GALNT13: variants seen among roughly 807,000 people sequenced by gnomAD.
GALNT13 encodes UDP-GalNAc:polypeptide N-acetylgalactosaminyltransferase 13.
GALNT13 carries 28 observed loss-of-function variants against 64.2 expected under a neutral mutation model. The ratio of observed to expected loss-of-function variants is 0.44; its 90% CI spans 0.32 to 0.60. The LOEUF (loss-of-function observed/expected upper bound fraction) is 0.60. Ranked by LOEUF, GALNT13 falls within the 20% of genes least tolerant of loss-of-function variation. The pLI, the probability that GALNT13 is intolerant of heterozygous loss-of-function variation, is 0.05. For missense variants in GALNT13, 577 were observed against 669.8 expected (o/e 0.86, Z 1.53); for synonymous variants, 214 against 224.6 (o/e 0.95, Z 0.42).
intron 3 of GALNT13, among the ~76,000 whole-genome samples, chr2:154,003,815 C>T (rs1054055942): frequency 1.3e-5 from 2 of 152,040 alleles, no homozygotes; most frequent in African/African-American, 2.4e-5. Context: ...TAGCACCTTC[C>T]CCCTCCTCTT....
At chr2:153,225,055 C>T in the GALNT13 span, among the ~76,000 whole-genome samples, 3 of 152,246 alleles carry the variant, frequency 2.0e-5, no homozygotes, top group East Asian at 3.9e-4. Flanking sequence ...ATCAATATCT[C>T]TCATGAACAT....
the GALNT13 span, among the ~76,000 whole-genome samples, chr2:153,543,816 T>C: frequency 6.6e-6 from 1 of 152,262 alleles, no homozygotes; most frequent in Non-Finnish European, 1.5e-5. Flanking sequence ...TTGTTACTGA[T>C]AACAGTACTC....
chr2:153,812,924 C>G, the GALNT13 span, among the ~76,000 whole-genome samples: 8 of 152,166 alleles, frequency 5.3e-5, no homozygotes, highest in African/African-American at 1.9e-4. Flanking sequence ...TTAGCTGAAC[C>G]ATTCTACATA....
chr2:154,020,446 G>A (rs1432091191), intron 3 of GALNT13, among the ~76,000 whole-genome samples: 2 of 152,046 alleles, frequency 1.3e-5, no homozygotes, highest in Non-Finnish European at 2.9e-5. Context: ...TTTTCTGATG[G>A]CCAGTGATGA....
chr2:153,993,839 A>G (rs916277789), intron 3 of GALNT13, among the ~76,000 whole-genome samples: 6 of 152,120 alleles, frequency 3.9e-5, no homozygotes, highest in Non-Finnish European at 5.9e-5. Flanking sequence ...TGCAACCATG[A>G]TCATGCTTCA....
At chr2:153,251,912 A>T in the GALNT13 span, among the ~76,000 whole-genome samples, 1 of 151,904 alleles carries the variant, frequency 6.6e-6, no homozygotes, top group South Asian at 2.1e-4. Context: ...GCTATTGTGA[A>T]TAATGCCGCA....
chr2:153,372,568 C>T, the GALNT13 span, among the ~76,000 whole-genome samples: 4 of 152,098 alleles, frequency 2.6e-5, no homozygotes, highest in East Asian at 7.8e-4. Flanking sequence ...ATCACTTGAA[C>T]CAGGGGGGCA....
At chr2:153,126,290 G>C in the GALNT13 span, among the ~76,000 whole-genome samples, 4 of 117,016 alleles carry the variant, frequency 3.4e-5, 1 homozygote, top group African/African-American at 1.4e-4. Context: ...TCACAGTATT[G>C]ATTTTGTATA....
intron 4 of GALNT13, among the ~76,000 whole-genome samples, chr2:154,210,759 C>CTT (rs1687713369): frequency 1.3e-5 from 2 of 152,012 alleles, no homozygotes; most frequent in Admixed American, 1.3e-4. Context: ...GCAGATAAAC[C>CTT]ATTTAGGAGA....
At chr2:153,171,555 T>C in the GALNT13 span, among the ~76,000 whole-genome samples, 2 of 152,136 alleles carry the variant, frequency 1.3e-5, no homozygotes, top group Non-Finnish European at 2.9e-5. Flanking sequence ...TAATGAAATA[T>C]ATTATACTTC....
chr2:153,567,524 C>T, the GALNT13 span, among the ~76,000 whole-genome samples: 1 of 152,168 alleles, frequency 6.6e-6, no homozygotes, highest in African/African-American at 2.4e-5. Flanking sequence ...TTAAAAGGAA[C>T]AACTGGCCAT....
chr2:153,387,944 A>G, the GALNT13 span, among the ~76,000 whole-genome samples: 3 of 151,990 alleles, frequency 2.0e-5, no homozygotes, highest in Admixed American at 1.3e-4. Context: ...ATGAATATTT[A>G]TAGCATATAA....
chr2:153,878,075 T>C (rs1331308018), intron 1 of GALNT13, among the ~76,000 whole-genome samples: 1 of 152,162 alleles, frequency 6.6e-6, no homozygotes, highest in African/African-American at 2.4e-5. Context: ...ACTGATAATT[T>C]AAAAAAATCA....
At chr2:154,062,162 G>A (rs904886962) in intron 3 of GALNT13, among the ~76,000 whole-genome samples, 3 of 152,118 alleles carry the variant, frequency 2.0e-5, no homozygotes, top group African/African-American at 4.8e-5. Flanking sequence ...AACTCTAATA[G>A]TTTTGCCAGA....
At chr2:153,957,353 G>A (rs912078139) in intron 3 of GALNT13, among the ~76,000 whole-genome samples, 1 of 152,166 alleles carries the variant, frequency 6.6e-6, no homozygotes, top group African/African-American at 2.4e-5. Flanking sequence ...TGGAGACCCC[G>A]AACTACCAAA....
the GALNT13 span, among the ~76,000 whole-genome samples, chr2:153,072,650 TG>T: frequency 6.6e-6 from 1 of 152,200 alleles, no homozygotes. Flanking sequence ...CCTTCCTTTT[TG>T]CCCCAGCCTA....
At chr2:154,208,869 T>C (rs1350252238) in intron 4 of GALNT13, among the ~76,000 whole-genome samples, 1 of 152,170 alleles carries the variant, frequency 6.6e-6, no homozygotes, top group Non-Finnish European at 1.5e-5. Flanking sequence ...ATTACCTTCA[T>C]TGAAGCACAA....
intron 12 of GALNT13, among the ~76,000 whole-genome samples, chr2:154,441,414 T>C (rs1170988312): frequency 2.6e-5 from 4 of 152,104 alleles, no homozygotes; most frequent in Non-Finnish European, 4.4e-5. Flanking sequence ...AGGACAAAAT[T>C]ATTCTTTGAA....
the GALNT13 span, among the ~76,000 whole-genome samples, chr2:153,392,227 T>G: frequency 6.6e-6 from 1 of 151,382 alleles, no homozygotes; most frequent in African/African-American, 2.4e-5. Flanking sequence ...CCTATTTAAA[T>G]TTGTGTTATA....
Sources: allele counts gnomAD v4.1 joint callset (sites outside exome capture counted in the v4.1 genomes callset), GRCh38; gene constraint gnomAD v4.1.1; transcripts MANE v1.5; gene names NCBI Gene and HGNC (gene_info 2026-07-23, HGNC 2026-07-21).